NRG1: variants seen among roughly 807,000 people sequenced by gnomAD.
The protein encoded by NRG1 is pro-neuregulin-1, membrane-bound isoform.
NRG1 carries 18 observed loss-of-function variants against 63.8 expected under a neutral mutation model. The observed-to-expected ratio is 0.28, with a 90% CI of 0.19 to 0.42. NRG1 has a LOEUF of 0.42. NRG1 is among the 10% of genes least tolerant of loss of function. NRG1 has a pLI of 1.00. For synonymous variants in NRG1, 302 were observed against 301.3 expected, an observed-to-expected ratio of 1.00 and a Z score of -0.02; for missense variants, 762 against 814.7, an observed-to-expected ratio of 0.94 and a Z score of 0.79.
chr8:32,022,518 G>A (rs1379436219), intron 1 of NRG1, among the ~76,000 whole-genome samples: 2 of 152,102 alleles, frequency 1.3e-5, no homozygotes, highest in Non-Finnish European at 2.9e-5. Context: ...GTGGTCTAGA[G>A]TATATTCAAA....
At chr8:31,810,031 T>TGATG (rs919845470) in intron 1 of NRG1, among the ~76,000 whole-genome samples, 198 of 152,182 alleles carry the variant, frequency 1.3e-3, no homozygotes, top group African/African-American at 4.6e-3. Flanking sequence ...TATCAGGAGA[T>TGATG]GATGGTACCC....
intron 1 of NRG1, among the ~76,000 whole-genome samples, chr8:31,854,620 T>G (rs1217569841): frequency 9.2e-5 from 14 of 152,236 alleles, no homozygotes; most frequent in African/African-American, 1.7e-4. Context: ...CTTCAGTTCT[T>G]CTCTGATCTT....
rs371250991 is a variant in NRG1, at chr8:32,596,738, G to A, written c.278+733G>A. Among the ~76,000 whole-genome samples the A allele has an allele frequency of 5.2e-4, 79 of 152,288 alleles. 1 individual carries two copies. Among genetic ancestry groups the A allele is most frequent in the African/African-American group, 1.8e-3 (75 of 41,562 alleles). On this transcript the variant is annotated intron_variant, in intron 2 of 11. Transcript: ENST00000356819. ...TTAGATTTATGGAAAGAATTGGAAT[G>A]TAACCAGTTGAATTCAGACTATTTT...
At chr8:32,387,723 A>AG (rs1811195257) in intron 1 of NRG1, among the ~76,000 whole-genome samples, 1 of 103,084 alleles carries the variant, frequency 9.7e-6, no homozygotes, top group Non-Finnish European at 2.2e-5. Context: ...ATGATGAAAA[A>AG]GAAAAAAAAA....
At chr8:31,967,170 A>G (rs939297067) in intron 1 of NRG1, among the ~76,000 whole-genome samples, 1 of 152,164 alleles carries the variant, frequency 6.6e-6, no homozygotes, top group Non-Finnish European at 1.5e-5. Context: ...AAAAGGCATT[A>G]AAAATGGAAA....
chr8:32,584,965 G>T (rs898499177), intron 1 of NRG1, among the ~76,000 whole-genome samples: 3 of 152,068 alleles, frequency 2.0e-5, no homozygotes, highest in African/African-American at 7.2e-5. Flanking sequence ...AATTTTAGTG[G>T]CATGAATTAA....
intron 5 of NRG1, among the ~76,000 whole-genome samples, chr8:32,708,562 G>T (rs1164888668): frequency 6.6e-6 from 1 of 152,150 alleles, no homozygotes; most frequent in East Asian, 1.9e-4. Context: ...TTGAATCCCA[G>T]CTCTGCTATT....
chr8:32,028,614 ATG>A (rs1179653794), intron 1 of NRG1, among the ~76,000 whole-genome samples: 1 of 152,208 alleles, frequency 6.6e-6, no homozygotes, highest in Non-Finnish European at 1.5e-5. Flanking sequence ...TGAATGTTAA[ATG>A]TCTTGCTAAA....
At chr8:32,560,677 A>G (rs1836219891) in intron 1 of NRG1, among the ~76,000 whole-genome samples, 1 of 152,192 alleles carries the variant, frequency 6.6e-6, no homozygotes, top group African/African-American at 2.4e-5. Flanking sequence ...GTTTATTTTG[A>G]AGCTCTCTGT....
intron 5 of NRG1, among the ~76,000 whole-genome samples, chr8:32,653,870 G>C (rs1248561184): frequency 1.3e-5 from 2 of 152,164 alleles, no homozygotes; most frequent in African/African-American, 4.8e-5. Context: ...CACATGAAGA[G>C]TGATTGACTA....
chr8:31,898,355 A>G (rs1159137724), intron 1 of NRG1, among the ~76,000 whole-genome samples: 2 of 152,214 alleles, frequency 1.3e-5, no homozygotes, highest in African/African-American at 4.8e-5. Context: ...CTTCATATAT[A>G]TTATTGTGTA....
chr8:31,816,304 C>A (rs1278081866), intron 1 of NRG1, among the ~76,000 whole-genome samples: 1 of 152,166 alleles, frequency 6.6e-6, no homozygotes, highest in African/African-American at 2.4e-5. Flanking sequence ...TCTCCAGGGT[C>A]ATTTCTATCC....
At position 32,614,564 on chromosome 8, in the gene NRG1, G is replaced by T; in HGVS notation, c.451G>T (p.Glu151Ter). Residue 151 changes from glutamate (E) to a stop codon, truncating the protein, a stop_gained and splice_region_variant, in exon 4 of 12, where the codon GAG becomes TAG. Transcript: ENST00000356819. LOFTEE classifies it high-confidence loss of function. ...AACTGAAGGAGCATATGTGTCTTCAGGTAAGGAAAATAAGCCTGGCAAATT... is the reference window on the plus strand; with the variant it reads ...AACTGAAGGAGCATATGTGTCTTCATGTAAGGAAAATAAGCCTGGCAAATT... The T allele has an allele frequency of 6.2e-7, 1 of 1,611,716 alleles. No individual in the cohort carries two copies. The highest frequency in any genetic ancestry group is 8.5e-7 in the Non-Finnish European group (1 of 1,178,402).
intron 1 of NRG1, among the ~76,000 whole-genome samples, chr8:31,828,604 G>C (rs1486266663): frequency 2.0e-5 from 3 of 152,152 alleles, no homozygotes; most frequent in Non-Finnish European, 2.9e-5. Flanking sequence ...CTGGCAGAAA[G>C]CAAAACAGCA....
intron 1 of NRG1, among the ~76,000 whole-genome samples, chr8:32,388,816 T>C (rs983087901): frequency 1.3e-5 from 2 of 152,050 alleles, no homozygotes; most frequent in African/African-American, 4.8e-5. Context: ...AATGATAAAG[T>C]TTTTTTTGGG....
chr8:31,968,564 A>G (rs1304842707), intron 1 of NRG1, among the ~76,000 whole-genome samples: 5 of 152,228 alleles, frequency 3.3e-5, no homozygotes, highest in African/African-American at 9.6e-5. Context: ...TCCAGCATCT[A>G]GAACAGGACA....
rs1563291349 is a variant in NRG1, at chr8:32,303,183, C to CAAAAAAAAAAAAAAAA, written c.38-292645_38-292644insAAAAAAAAAAAAAAAA. Reference sequence around the variant, plus strand: ...GGCAGAAAGAAGAGAAACTCAGTCTCCAAAAAAAAAAAAAAAAAAAAAAAG... The same window carrying CAAAAAAAAAAAAAAAA: ...GGCAGAAAGAAGAGAAACTCAGTCTCAAAAAAAAAAAAAAAACAAAAAAAAAAAAAAAAAAAAAAAG... On this transcript the variant is annotated intron_variant, in intron 1 of 10. Transcript: ENST00000519301. 1.3e-4 allele frequency among the ~76,000 whole-genome samples: 8 copies of CAAAAAAAAAAAAAAAA among 59,704 alleles called. 1 individual carries two copies. The highest frequency in any genetic ancestry group is 5.7e-4 in the East Asian group (1 of 1,748). 39.2% of individuals were successfully genotyped at this position (59,704 alleles called of 152,430 possible).
chr8:31,712,988 T>C (rs760101139), intron 1 of NRG1, among the ~76,000 whole-genome samples: 1 of 14,572 alleles, frequency 6.9e-5, no homozygotes, highest in African/African-American at 3.4e-4. Context: ...CATCCACCCA[T>C]CCATCCATCC....
At chr8:32,751,999 A>AAGAT (rs1430891149) in intron 7 of NRG1, among the ~76,000 whole-genome samples, 1 of 152,176 alleles carries the variant, frequency 6.6e-6, no homozygotes, top group Non-Finnish European at 1.5e-5. Context: ...CTTCTTTCTA[A>AAGAT]AGATAGGATG....
Sources: gnomAD v4.1 joint callset for allele counts (sites outside exome capture counted in the v4.1 genomes callset) on GRCh38, gnomAD v4.1.1 for gene constraint, MANE v1.5 for transcripts, NCBI Gene and HGNC (gene_info 2026-07-23, HGNC 2026-07-21) for gene names.